CCN4: variants seen among roughly 807,000 people sequenced by gnomAD.
CCN4 encodes cellular communication network factor 4.
In CCN4, 30 loss-of-function variants were observed where a neutral mutation model predicts 36.7. The observed-to-expected ratio is 0.82, with a 90% CI of 0.61 to 1.11. The LOEUF (loss-of-function observed/expected upper bound fraction) is 1.11. Ranked by LOEUF, CCN4 falls within the 50% of genes least tolerant of loss-of-function variation. The pLI is 0.00. For missense variants in CCN4, 505 were observed against 504.9 expected (o/e 1.00, Z 0.00); for synonymous variants, 191 against 195.4 (o/e 0.98, Z 0.19).
chr8:133,229,379 A>C lies in CCN4; in HGVS notation c.*1669A>C, dbSNP rs749701013. 1.8e-4 allele frequency: 28 copies of C among 152,232 alleles called. No individual in the cohort carries two copies. The highest frequency in any genetic ancestry group is 3.3e-4 in the Admixed American group (5 of 15,286). 9.4% of individuals were successfully genotyped at this position (152,232 alleles called of 1,614,324 possible). On this transcript the variant is annotated 3_prime_UTR_variant, in exon 5 of 5. Coordinates refer to ENST00000250160, the MANE Select transcript of CCN4 (RefSeq NM_003882.4). ...TCTAGCTCCTTTTCAAAAGACGAGA[A>C]TATCTGATTTTCTGATAATTTAGGT...
At position 133,191,211 on chromosome 8, in the gene CCN4, A is replaced by G; in HGVS notation, c.67A>G (p.Thr23Ala). The G allele has an allele frequency of 1.2e-6, 2 of 1,605,776 alleles. No homozygotes were observed. The highest frequency in any genetic ancestry group is 1.7e-6 in the Non-Finnish European group (2 of 1,179,626). The change falls in exon 1 of 5, where the codon ACG (threonine) becomes GCG (alanine). Residue 23 changes from threonine (T) to alanine (A), a missense_variant and splice_region_variant. Thr to Ala is a moderately conservative substitution (Grantham distance 58). Coordinates refer to ENST00000250160, the MANE Select transcript of CCN4 (RefSeq NM_003882.4). ...TAAAASTVLA[T>A]ALSPAPTTMD... ...AGCAGCCGCCAGCACCGTCCTGGCC[A>G]CGGTGAGTCCTGCCTGGAGGGGCTC... is the stretch of plus-strand genomic sequence containing the variant.
intron 1 of CCN4, among the ~76,000 whole-genome samples, chr8:133,206,687 G>C (rs80027674): frequency 0.017 from 2,604 of 152,258 alleles, 64 homozygotes; most frequent in African/African-American, 0.059. Flanking sequence ...TAGCCTTCGA[G>C]GGATGCTCAG....
At chr8:133,202,257 G>T (rs1393034995) in intron 1 of CCN4, among the ~76,000 whole-genome samples, 1 of 152,214 alleles carries the variant, frequency 6.6e-6, no homozygotes. Flanking sequence ...GGACAAACAG[G>T]GTTATCATAT....
chr8:133,209,214 T>C (rs1853895689), intron 1 of CCN4, among the ~76,000 whole-genome samples: 1 of 152,136 alleles, frequency 6.6e-6, no homozygotes, highest in South Asian at 2.1e-4. Flanking sequence ...TGAGGATTGA[T>C]CGATTATCAC....
At chr8:133,224,431 G>A (rs1452712280) in intron 3 of CCN4, among the ~76,000 whole-genome samples, 3 of 151,386 alleles carry the variant, frequency 2.0e-5, no homozygotes, top group Non-Finnish European at 4.4e-5. Context: ...GTAGAGATGG[G>A]GTTTCAACAT....
Position 133,229,216 on chromosome 8 carries a change from A to G in CCN4, c.*1506A>G, listed in dbSNP as rs1854864030. 1 of 152,244 alleles carries G rather than the reference A, an allele frequency of 6.6e-6. No homozygotes were observed. The highest frequency in any genetic ancestry group is 1.5e-5 in the Non-Finnish European group (1 of 68,050). The allele number at this position is 152,244 out of a possible 1,614,324, so 9.4% of individuals were successfully genotyped here. On this transcript the variant is annotated 3_prime_UTR_variant, in exon 5 of 5. Transcript: ENST00000250160. Reference sequence around the variant, plus strand: ...CACCCAGTTGGTGACTGGGAAAGTTAGGATTCAGATCGAAATTGGACTGTC... The same window carrying G: ...CACCCAGTTGGTGACTGGGAAAGTTGGGATTCAGATCGAAATTGGACTGTC...
intron 1 of CCN4, among the ~76,000 whole-genome samples, chr8:133,204,689 G>C (rs1853704223): frequency 1.3e-5 from 2 of 152,194 alleles, no homozygotes; most frequent in Non-Finnish European, 2.9e-5. Context: ...TGAGCAGCTG[G>C]AACTATAGGC....
chr8:133,215,937 AAT>A (rs1175744663), intron 2 of CCN4, among the ~76,000 whole-genome samples: 1 of 152,048 alleles, frequency 6.6e-6, no homozygotes, highest in African/African-American at 2.4e-5. Context: ...AGATGTATTT[AAT>A]ACTAAATTTT....
intron 2 of CCN4, among the ~76,000 whole-genome samples, chr8:133,217,171 C>T (rs1184960086): frequency 6.6e-6 from 1 of 152,250 alleles, no homozygotes; most frequent in Non-Finnish European, 1.5e-5. Context: ...GTGCCTGCTA[C>T]ATGGCAGGAG....
In CCN4 at chr8:133,195,017, G is replaced by T. The variant is rs564993616; in HGVS notation, c.69+3804G>T. Among the ~76,000 whole-genome samples, 17 of 145,170 alleles carry T rather than the reference G, an allele frequency of 1.2e-4. No individual in the cohort carries two copies. The South Asian group carries it at 2.3e-3, about 20-fold the overall frequency. On this transcript the variant is annotated intron_variant, in intron 1 of 4. Transcript: ENST00000250160. The stretch of plus-strand genomic sequence containing the variant: ...GGTTTGTGTGTGTGTTGTGTGTGTG[G>T]TGTGTGGTATGCGTGTGTATGCATG...
chr8:133,220,922 A>G (rs1854504536), intron 3 of CCN4, 81 bp downstream of exon 3: 3 of 1,498,934 alleles, frequency 2.0e-6, no homozygotes, highest in African/African-American at 1.4e-5. Flanking sequence ...CCACCATAGA[A>G]TGACTCATTC....
At chr8:133,227,306 G>C in intron 4 of CCN4, 105 bp from the exon 5 acceptor site, 2 of 1,207,078 alleles carry the variant, frequency 1.7e-6, no homozygotes, top group South Asian at 3.0e-5. Context: ...AAGTAAGGTG[G>C]AATGCTCCCA....
intron 3 of CCN4, 133 bp from the exon 4 acceptor site, chr8:133,225,257 G>C (rs1854684066): frequency 1.2e-6 from 1 of 857,592 alleles, no homozygotes; most frequent in Non-Finnish European, 1.8e-6. Flanking sequence ...CCAACTTGCT[G>C]TCCTGTGGGG....
At position 133,224,229 on chromosome 8, in the gene CCN4, C is replaced by CTTTTTT. The variant is rs59929763; in HGVS notation, c.611-1137_611-1132dup. ...GATTTGAATTTGAAGCCCGTAAGTC[C>CTTTTTT]TTTTTTTTTTTTTTTTTTTTTTTTT... On this transcript the variant is annotated intron_variant, in intron 3 of 4. Coordinates refer to ENST00000250160, the MANE Select transcript of CCN4 (RefSeq NM_003882.4). 2.3e-5 allele frequency among the ~76,000 whole-genome samples: 2 copies of CTTTTTT among 88,494 alleles called. 1 individual carries two copies. The allele number at this position is 88,494 out of a possible 152,430, so 58.1% of individuals were successfully genotyped here.
intron 1 of CCN4, among the ~76,000 whole-genome samples, chr8:133,206,031 G>A (rs575639574): frequency 6.6e-6 from 1 of 152,186 alleles, no homozygotes; most frequent in South Asian, 2.1e-4. Context: ...AGGGGCCCGA[G>A]CTCCCGGGCT....
intron 1 of CCN4, among the ~76,000 whole-genome samples, chr8:133,198,160 A>T (rs796953454): frequency 9.2e-5 from 14 of 152,180 alleles, no homozygotes; most frequent in African/African-American, 3.1e-4. Context: ...TCATTCATTC[A>T]TCGGGCAGAT....
intron 1 of CCN4, among the ~76,000 whole-genome samples, chr8:133,194,466 GGT>G (rs144382859): frequency 0.31 from 20,923 of 66,696 alleles, 4,613 homozygotes; most frequent in African/African-American, 0.52. Flanking sequence ...ATGTGTGTGG[GGT>G]GTGTGTGTGT....
At chr8:133,220,938 T>G in intron 3 of CCN4, 97 bp downstream of exon 3, 21 of 1,447,742 alleles carry the variant, frequency 1.5e-5, no homozygotes, top group Non-Finnish European at 1.9e-5. Context: ...CATTCCCCAG[T>G]CCACTACCTA....
At chr8:133,192,654 T>C (rs542901828) in intron 1 of CCN4, among the ~76,000 whole-genome samples, 21 of 152,330 alleles carry the variant, frequency 1.4e-4, no homozygotes, top group Middle Eastern at 3.4e-3. Context: ...GCTCTGGGTA[T>C]GGCTGCGCCT....
Sources: allele counts gnomAD v4.1 joint callset (sites outside exome capture counted in the v4.1 genomes callset), GRCh38; gene constraint gnomAD v4.1.1; transcripts MANE v1.5; gene names NCBI Gene and HGNC (gene_info 2026-07-23, HGNC 2026-07-21).